Variants in PASK observed in about 807,000 individuals in gnomAD.
PASK encodes the protein PAS domain containing serine/threonine kinase, also known as PAS domain-containing serine/threonine-protein kinase.
In PASK, 110 loss-of-function variants were observed where a neutral mutation model predicts 121.0. The observed-to-expected ratio is 0.91, with a 90% CI of 0.78 to 1.06. PASK has a LOEUF of 1.06. PASK is among the 50% of genes least tolerant of loss of function. PASK has a pLI of 0.00. For synonymous variants in PASK, 686 were observed against 717.8 expected (o/e 0.96, Z 0.71); for missense variants, 1,643 against 1,702.3 (o/e 0.97, Z 0.61).
intron 9 of PASK, 79 bp from the exon 10 acceptor site, chr2:241,127,530 G>T: frequency 8.5e-7 from 1 of 1,170,562 alleles, no homozygotes; most frequent in Non-Finnish European, 1.3e-6. Context: ...TTCTCCATTA[G>T]AACTAAGTAC....
rs1281234664 is a variant in PASK, at chr2:241,112,940, G to A, written c.3334-501C>T. Among the ~76,000 whole-genome samples, 4 of 152,232 alleles carry A rather than the reference G, an allele frequency of 2.6e-5. No individual in the cohort carries two copies. Among genetic ancestry groups the A allele is most frequent in the Admixed American group, 6.5e-5 (1 of 15,282 alleles). ...TCAGGCAGCAATTTGGGGCAGAGCT[G>A]GGAGCACAGCCTCAGTGGCTTCTCA... On this transcript the variant is annotated intron_variant, in intron 14 of 17. Coordinates refer to ENST00000234040, the MANE Select transcript of PASK (RefSeq NM_015148.4). The surrounding 1 kb of genome is among the most constrained non-coding windows in gnomAD (Gnocchi z 5.2).
At chr2:241,139,666 G>A in intron 4 of PASK, 1 of 705,010 alleles carries the variant, frequency 1.4e-6, no homozygotes, top group South Asian at 1.5e-5. Context: ...CACAGCCACA[G>A]TGTCCATTCC....
At chr2:241,116,295 C>T (rs969789161) in intron 12 of PASK, among the ~76,000 whole-genome samples, 3 of 152,248 alleles carry the variant, frequency 2.0e-5, no homozygotes, top group Non-Finnish European at 2.9e-5. Flanking sequence ...TAAACGCCTG[C>T]AGCACAAGGA....
chr2:241,117,864 GA>G (rs1262470783), intron 12 of PASK, among the ~76,000 whole-genome samples: 9 of 152,060 alleles, frequency 5.9e-5, no homozygotes, highest in African/African-American at 1.2e-4. Context: ...ATCCTTCCTG[GA>G]AAAACTGGCA....
rs760937320 is a variant in PASK at position 241,127,351 on chromosome 2, T to C, written c.1564A>G (p.Ile522Val). 6.2e-6 allele frequency: 10 copies of C among 1,614,072 alleles called. No homozygotes were observed. The East Asian group carries it at 1.1e-4, about 18-fold the overall frequency. ...AGAAGATCCTGTCCGGGGCTCTCTA[T>C]TGCCACAGGTTCCTCTCTCCCCAAG... The part of the protein sequence containing the change: ...TALGREEPVA[I>V]ESPGQDLLGE... The change falls in exon 10 of 18, where the codon ATA becomes GTA. Residue 522 changes from isoleucine to valine, a missense_variant. This residue lies in a region of PASK where 1,176 missense variants were observed against 1,162.2 expected (regional missense o/e 1.01). Coordinates refer to ENST00000234040, the MANE Select transcript of PASK (RefSeq NM_015148.4).
intron 15 of PASK, among the ~76,000 whole-genome samples, chr2:241,111,030 G>A (rs1352135934): frequency 8.5e-5 from 13 of 152,206 alleles, no homozygotes; most frequent in African/African-American, 3.1e-4. Flanking sequence ...TGAGGCTGCT[G>A]GGCTCTGAGG....
At position 241,112,157 on chromosome 2, in the gene PASK, C is replaced by A; in HGVS notation, c.3533+83G>T. The A allele has an allele frequency of 9.5e-7, 1 of 1,050,674 alleles. No individual in the cohort carries two copies. The highest frequency in any genetic ancestry group is 2.4e-5 in the East Asian group (1 of 42,186). 65.1% of individuals were successfully genotyped at this position (1,050,674 alleles called of 1,614,324 possible). On this transcript the variant is annotated intron_variant, in intron 15 of 17. Transcript: ENST00000234040. This position sits in a 1 kb window ranked among gnomAD's most constrained non-coding sequence, Gnocchi z 5.2. ...TCATCACAAAGAGGCACAAAGGAAG[C>A]CATTTTCCCACCCAAAATCAAGCCA...
chr2:241,121,766 A>G (rs1231773757), intron 12 of PASK, among the ~76,000 whole-genome samples: 2 of 152,248 alleles, frequency 1.3e-5, no homozygotes, highest in East Asian at 3.8e-4. Flanking sequence ...CAAATTAGGA[A>G]TTAGTTCATC....
chr2:241,150,303 T>A, upstream of PASK: 1 of 1,321,002 alleles, frequency 7.6e-7, no homozygotes, highest in Non-Finnish European at 9.7e-7. Flanking sequence ...TGAAATTACC[T>A]GCTCTGGGGG....
chr2:241,143,586 G>C (rs1427488070), intron 1 of PASK, among the ~76,000 whole-genome samples: 1 of 151,800 alleles, frequency 6.6e-6, no homozygotes, highest in Admixed American at 6.6e-5. Context: ...CTCTTTCCAA[G>C]AAAAATACAT....
At chr2:241,143,163 C>A in intron 1 of PASK, 89 bp from the exon 2 acceptor site, 2 of 761,898 alleles carry the variant, frequency 2.6e-6, no homozygotes, top group Non-Finnish European at 4.5e-6. Context: ...GAGTTCAGCT[C>A]GGCCCCAAAA....
In PASK at chr2:241,126,788, C is replaced by T. The variant is rs370339239; in HGVS notation, c.2127G>A (p.Thr709=). The T allele has an allele frequency of 3.5e-5, 56 of 1,613,892 alleles. No individual in the cohort carries two copies. The highest frequency in any genetic ancestry group is 8.0e-5 in the African/African-American group (6 of 74,944). The change falls in exon 10 of 18, where the codon ACG becomes ACA. Residue 709 remains threonine (T), a synonymous_variant. Coordinates refer to ENST00000234040, the MANE Select transcript of PASK (RefSeq NM_015148.4). ...AGGCATAGCAGGCTGAGGAGCTGCCCGTGCAGCCACCGCACAGGTCTCTGC... is the reference window on the plus strand; with the variant it reads ...AGGCATAGCAGGCTGAGGAGCTGCCTGTGCAGCCACCGCACAGGTCTCTGC... The part of the protein sequence containing the change: ...LGGRDLCGGC[T]GSSSACYALA...
At chr2:241,107,074 T>C (rs966614367) in intron 17 of PASK, among the ~76,000 whole-genome samples, 3 of 152,132 alleles carry the variant, frequency 2.0e-5, no homozygotes, top group Non-Finnish European at 4.4e-5. Context: ...CAAACCATCT[T>C]TGAGGGTTCC....
intron 1 of PASK, chr2:241,145,937 C>A (rs1284718163): frequency 7.0e-6 from 1 of 142,724 alleles, no homozygotes. Context: ...ACTCCGTCCC[C>A]CCCAAAAAAA....
At chr2:241,145,227 T>C (rs543828671) in intron 1 of PASK, among the ~76,000 whole-genome samples, 31 of 152,290 alleles carry the variant, frequency 2.0e-4, no homozygotes, top group African/African-American at 6.7e-4. Context: ...TCTCCCTGTT[T>C]GTATGTATCT....
intron 14 of PASK, chr2:241,114,788 C>T (rs2065256383): frequency 1.4e-6 from 2 of 1,419,720 alleles, no homozygotes; most frequent in African/African-American, 1.4e-5. Context: ...TGTAAATAAA[C>T]CTTAACCATT....
In PASK at chr2:241,139,971, G is replaced by T. The variant is rs1380598876; in HGVS notation, c.514C>A (p.Leu172Met). ...LIGQKLTQFFLRSDSDVVEAL... is the reference protein window; with the variant it reads ...LIGQKLTQFFMRSDSDVVEAL... ...TCCACCACATCAGAATCTGACCTCAGAAAGAACTGCGTGAGCTTCTGGCCA... is the reference window on the plus strand; with the variant it reads ...TCCACCACATCAGAATCTGACCTCATAAAGAACTGCGTGAGCTTCTGGCCA... The change falls in exon 4 of 18, where the codon CTG becomes ATG. Residue 172 changes from leucine to methionine, a missense_variant. This residue lies in a region of PASK where 1,176 missense variants were observed against 1,162.2 expected (regional missense o/e 1.01). Coordinates refer to ENST00000234040, the MANE Select transcript of PASK (RefSeq NM_015148.4). 1 of 1,613,980 alleles carries T rather than the reference G, an allele frequency of 6.2e-7. No homozygotes were observed. Among genetic ancestry groups the T allele is most frequent in the African/African-American group, 1.3e-5 (1 of 74,938 alleles).
At position 241,108,335 on chromosome 2, in the gene PASK, A is replaced by G. The variant is rs6708265; in HGVS notation, c.3534-35T>C. 330,432 of 1,610,616 alleles carry G rather than the reference A, an allele frequency of 0.21. 47,322 individuals carry two copies. Among genetic ancestry groups the G allele is most frequent in the African/African-American group, 0.65 (48,747 of 74,908 alleles). On this transcript the variant is annotated intron_variant, in intron 15 of 17. Transcript: ENST00000234040. The surrounding 1 kb of genome is among the most constrained non-coding windows in gnomAD (Gnocchi z 5.2). ...GGAGGAGGCATCAGGACGCCACGGC[A>G]CTCAGCGCAGGCTTGCCAAGCCCGC...
chr2:241,108,289 G>C lies in PASK; in HGVS notation c.3545C>G (p.Pro1182Arg). 1 of 1,613,966 alleles carries C rather than the reference G, an allele frequency of 6.2e-7. No individual in the cohort carries two copies. The highest frequency in any genetic ancestry group is 8.5e-7 in the Non-Finnish European group (1 of 1,179,898). Residue 1182 changes from proline (P) to arginine (R), a missense_variant, in exon 16 of 18, where the codon CCG becomes CGG. Transcript: ENST00000234040. The surrounding 1 kb of genome is among the most constrained non-coding windows in gnomAD (Gnocchi z 5.2). Reference protein sequence around the residue: ...EVLMGNPYRGPELEMWSLGVT... With the variant: ...EVLMGNPYRGRELEMWSLGVT... ...TCCCAGAGACCACATCTCCAGCTCCGGCCCTCTGTAGCTGTGAGGAGGAGG... is the reference window on the plus strand; with the variant it reads ...TCCCAGAGACCACATCTCCAGCTCCCGCCCTCTGTAGCTGTGAGGAGGAGG...
Sources: allele counts gnomAD v4.1 joint callset (sites outside exome capture counted in the v4.1 genomes callset), GRCh38; gene constraint gnomAD v4.1.1; regional missense constraint gnomAD v4.1.1; non-coding constraint Gnocchi (gnomAD v3.1); transcripts MANE v1.5; gene names NCBI Gene and HGNC (gene_info 2026-07-23, HGNC 2026-07-21).